WDR7: variants seen among roughly 807,000 people sequenced by gnomAD.
WDR7 encodes the protein WD repeat domain 7.
A neutral mutation model predicts 169.4 loss-of-function variants in WDR7; 46 were observed. The ratio of observed to expected loss-of-function variants is 0.27; its 90% CI spans 0.21 to 0.35. The LOEUF (loss-of-function observed/expected upper bound fraction) is 0.35. Ranked by LOEUF, WDR7 falls within the 10% of genes least tolerant of loss-of-function variation. The pLI is 1.00. For missense variants in WDR7, 1,534 were observed against 1,859.3 expected (o/e 0.83, Z 3.22); for synonymous variants, 612 against 666.8 (o/e 0.92, Z 1.27).
chr18:56,999,336 T>G (rs74627251), intron 26 of WDR7, among the ~76,000 whole-genome samples: 2,305 of 152,250 alleles, frequency 0.015, 69 homozygotes, highest in African/African-American at 0.053. Context: ...ATTTGTTAGA[T>G]GGGTGGAGAT....
intron 20 of WDR7, among the ~76,000 whole-genome samples, chr18:56,864,594 A>G (rs903681588): frequency 1.3e-5 from 2 of 151,854 alleles, no homozygotes; most frequent in Non-Finnish European, 3.0e-5. Flanking sequence ...ACATTACTAA[A>G]TAAAGATCAT....
intron 27 of WDR7, among the ~76,000 whole-genome samples, chr18:57,022,484 TAAAC>T (rs1183339826): frequency 6.6e-6 from 1 of 152,204 alleles, no homozygotes; most frequent in Non-Finnish European, 1.5e-5. Context: ...TTCTTTGGAA[TAAAC>T]AAACAAAACA....
chr18:56,818,295 T>A (rs1410481175), intron 20 of WDR7, among the ~76,000 whole-genome samples: 1 of 152,234 alleles, frequency 6.6e-6, no homozygotes, highest in African/African-American at 2.4e-5. Context: ...TACATTGAAA[T>A]TTTGAATTAT....
chr18:56,962,620 C>A, intron 26 of WDR7, 91 bp downstream of exon 26: 1 of 1,161,032 alleles, frequency 8.6e-7, no homozygotes, highest in Non-Finnish European at 1.3e-6. Context: ...ACGTGCTGAG[C>A]TGCTGGAACA....
chr18:56,690,791 G>A (rs939161319), intron 7 of WDR7, among the ~76,000 whole-genome samples: 1 of 148,916 alleles, frequency 6.7e-6, no homozygotes, highest in Admixed American at 6.8e-5. Context: ...CTTCAGCCTG[G>A]GTGGCAGAGC....
At chr18:56,752,955 T>G (rs1318162744) in intron 14 of WDR7, among the ~76,000 whole-genome samples, 1 of 152,054 alleles carries the variant, frequency 6.6e-6, no homozygotes, top group Non-Finnish European at 1.5e-5. Flanking sequence ...AAAGTACAAG[T>G]GGTTTGATTT....
intron 20 of WDR7, among the ~76,000 whole-genome samples, chr18:56,856,590 A>C (rs2543156): frequency 6.6e-6 from 1 of 151,844 alleles, no homozygotes; most frequent in East Asian, 1.9e-4. Flanking sequence ...AATCTTTTTT[A>C]ATTTAAATAA....
chr18:56,744,635 G>A (rs931038396), intron 14 of WDR7, among the ~76,000 whole-genome samples: 3 of 152,154 alleles, frequency 2.0e-5, no homozygotes, highest in African/African-American at 7.2e-5. Flanking sequence ...AATGCCCCAT[G>A]ATAGTGGTTC....
At chr18:56,900,080 G>GTATATATATATATA (rs772841290) in intron 21 of WDR7, among the ~76,000 whole-genome samples, 102 of 30,216 alleles carry the variant, frequency 3.4e-3, no homozygotes, top group African/African-American at 5.9e-3. Flanking sequence ...GTGTGTGTGT[G>GTATATATATATATA]TGTATATATA....
chr18:56,994,176 C>T (rs117551351), intron 26 of WDR7, among the ~76,000 whole-genome samples: 9 of 152,134 alleles, frequency 5.9e-5, no homozygotes, highest in East Asian at 3.9e-4. Flanking sequence ...TACGCCACCA[C>T]GCCTGGCTAA....
In WDR7 at chr18:56,871,532, A is replaced by G. The variant is rs183991815; in HGVS notation, c.3305-8412A>G. On this transcript the variant is annotated intron_variant, in intron 20 of 27. Transcript: ENST00000254442. ...AGGCAGCAAATAGTAAAACCAAATT[A>G]TCTTTGTACACGTATGATTCTCAAA... Among the ~76,000 whole-genome samples the G allele has an allele frequency of 2.6e-4, 39 of 152,234 alleles. No homozygotes were observed. The East Asian group carries it at 7.5e-3, about 29-fold the overall frequency.
At chr18:56,849,989 A>G (rs2045618633) in intron 20 of WDR7, among the ~76,000 whole-genome samples, 1 of 152,188 alleles carries the variant, frequency 6.6e-6, no homozygotes, top group African/African-American at 2.4e-5. Context: ...CATGACACAG[A>G]CACATTTGCC....
At chr18:56,851,157 C>T (rs1568230576) in intron 20 of WDR7, among the ~76,000 whole-genome samples, 1 of 152,130 alleles carries the variant, frequency 6.6e-6, no homozygotes. Flanking sequence ...TTCAGGGCGT[C>T]CTTTATGCCT....
intron 26 of WDR7, among the ~76,000 whole-genome samples, chr18:56,991,624 A>G (rs996868833): frequency 6.6e-6 from 1 of 152,256 alleles, no homozygotes; most frequent in Non-Finnish European, 1.5e-5. Flanking sequence ...GCCTGTGGGC[A>G]GTCCATAGCT....
intron 22 of WDR7, among the ~76,000 whole-genome samples, chr18:56,928,995 T>C (rs1300361932): frequency 6.6e-6 from 1 of 152,298 alleles, no homozygotes; most frequent in East Asian, 1.9e-4. Context: ...TTTAATAAAA[T>C]TATTTTCAGC....
chr18:56,713,435 C>A (rs1295772973), intron 12 of WDR7, among the ~76,000 whole-genome samples: 1 of 152,086 alleles, frequency 6.6e-6, no homozygotes, highest in Non-Finnish European at 1.5e-5. Flanking sequence ...CACAGAATTA[C>A]ACATATACAA....
rs575689951 is a variant in WDR7, at chr18:56,757,480, C to A, written c.2759+128C>A. 4.8e-5 allele frequency: 46 copies of A among 954,828 alleles called. No homozygotes were observed. The East Asian group carries it at 1.2e-3, about 24-fold the overall frequency. The allele number at this position is 954,828 out of a possible 1,614,324, so 59.1% of individuals were successfully genotyped here. ...TATTTCAGTGTCATCTCAGTTGTTT[C>A]CCTTTTACATTTTAAAACACCAGTT... On this transcript the variant is annotated intron_variant, in intron 15 of 27. Transcript: ENST00000254442.
At chr18:56,922,128 A>G (rs1003737558) in intron 21 of WDR7, among the ~76,000 whole-genome samples, 1 of 152,192 alleles carries the variant, frequency 6.6e-6, no homozygotes, top group African/African-American at 2.4e-5. Context: ...TATGACTTCC[A>G]AGAAGTAAAA....
chr18:56,660,185 G>T (rs1289872445), intron 1 of WDR7, among the ~76,000 whole-genome samples: 1 of 152,052 alleles, frequency 6.6e-6, no homozygotes, highest in Non-Finnish European at 1.5e-5. Flanking sequence ...ACTGTGGGAG[G>T]GGCACCATTG....
Sources: gnomAD v4.1 joint callset for allele counts (sites outside exome capture counted in the v4.1 genomes callset) on GRCh38, gnomAD v4.1.1 for gene constraint, MANE v1.5 for transcripts, NCBI Gene and HGNC (gene_info 2026-07-23, HGNC 2026-07-21) for gene names.